CHD1L: variants seen among roughly 807,000 people sequenced by gnomAD.
The protein encoded by CHD1L is chromodomain helicase DNA binding protein 1 like, also known as ATP-dependent chromatin remodeler CHD1L.
Under a neutral mutation model 115.9 loss-of-function variants are expected in CHD1L, and 118 were observed. The ratio of observed to expected loss-of-function variants is 1.02; its 90% CI spans 0.88 to 1.19. The LOEUF (loss-of-function observed/expected upper bound fraction) is 1.19, where lower values mean the gene tolerates loss of function less well. CHD1L is among the 50% of genes most tolerant of loss of function. The pLI is 0.00. For synonymous variants in CHD1L, 411 were observed against 387.1 expected (o/e 1.06, Z -0.72); for missense variants, 1,179 against 1,065.3 (o/e 1.11, Z -1.49).
At chr1:147,283,456 G>C (rs943809524) in intron 15 of CHD1L, among the ~76,000 whole-genome samples, 47 of 152,112 alleles carry the variant, frequency 3.1e-4, no homozygotes, top group African/African-American at 1.1e-3. Flanking sequence ...GCTAGTCTTG[G>C]CTGGTCCTGA....
the CHD1L span, chr1:147,178,509 A>C: frequency 3.1e-6 from 5 of 1,611,206 alleles, 1 homozygote; most frequent in South Asian, 2.2e-5. Flanking sequence ...AGAAGCAGGC[A>C]GGCCCAGCTT....
the CHD1L span, chr1:147,225,262 G>A: frequency 8.7e-7 from 1 of 1,147,630 alleles, no homozygotes. Flanking sequence ...AGCTGAGAGT[G>A]CTCTGCTGCG....
chr1:147,204,154 C>T, the CHD1L span: 1 of 1,112,462 alleles, frequency 9.0e-7, no homozygotes, highest in East Asian at 2.3e-5. Flanking sequence ...CTTCATCAGT[C>T]TTTATCAACA....
Position 147,287,741 on chromosome 1 carries a change from G to A in CHD1L, c.2320+8G>A, listed in dbSNP as rs1432944890. The A allele has an allele frequency of 4.3e-6, 7 of 1,611,524 alleles. No individual in the cohort carries two copies. In the African/African-American group the frequency reaches 9.4e-5, roughly 22 times the overall value. ...TGGCTGGGAAAATGAAAGGTAAGAAGCAAAGCAGAGGGAAAGGTTAAGGGT... is the reference window on the plus strand; with the variant it reads ...TGGCTGGGAAAATGAAAGGTAAGAAACAAAGCAGAGGGAAAGGTTAAGGGT... On this transcript the variant is annotated splice_region_variant and intron_variant, in intron 19 of 22. Coordinates refer to ENST00000369258, the MANE Select transcript of CHD1L (RefSeq NM_004284.6).
the CHD1L span, chr1:147,208,768 G>C: frequency 8.9e-7 from 1 of 1,120,986 alleles, no homozygotes; most frequent in South Asian, 1.3e-5. Flanking sequence ...TATGGGTAGA[G>C]GTGGCTTTAC....
At chr1:147,260,880 T>C (rs1553943706) in intron 6 of CHD1L, 2 of 152,226 alleles carry the variant, frequency 1.3e-5, no homozygotes, top group African/African-American at 4.8e-5. Context: ...GTCAGTGCGA[T>C]GTGAAATACC....
chr1:147,249,683 C>T (rs1457833590), intron 1 of CHD1L, among the ~76,000 whole-genome samples: 5 of 152,108 alleles, frequency 3.3e-5, no homozygotes, highest in African/African-American at 7.2e-5. Flanking sequence ...GGATTACAGG[C>T]GTGAGCCACC....
chr1:147,280,179 C>A lies in CHD1L; in HGVS notation c.1693C>A (p.Gln565Lys). The change falls in exon 15 of 23, where the codon CAA becomes AAA. Residue 565 changes from glutamine (Q) to lysine (K), a missense_variant. Transcript: ENST00000369258. ...TGCAGCAGAAGGAGGGAGCAGAGATCAAGAGGAAGGAAGTAAGTTGGAGGT... is the reference window on the plus strand; with the variant it reads ...TGCAGCAGAAGGAGGGAGCAGAGATAAAGAGGAAGGAAGTAAGTTGGAGGT... ...LPAAEGGSRDQEEGKNHMYLF... is the reference protein window; with the variant it reads ...LPAAEGGSRDKEEGKNHMYLF... 1 of 1,597,530 alleles carries A rather than the reference C, an allele frequency of 6.3e-7. No individual in the cohort carries two copies. The highest frequency in any genetic ancestry group is 1.1e-5 in the South Asian group (1 of 88,414).
rs587740503 is a variant in CHD1L, at chr1:147,277,755, G to A, written c.1539+1498G>A. ...TACGCTGTAGATACCCTTAAATGCA[G>A]TTTTCCACAGAAAAATTATCCATAG... On this transcript the variant is annotated intron_variant, in intron 14 of 22. Transcript: ENST00000369258. Among the ~76,000 whole-genome samples, 18 of 152,270 alleles carry A rather than the reference G, an allele frequency of 1.2e-4. No individual in the cohort carries two copies. The South Asian group carries it at 2.7e-3, about 23-fold the overall frequency.
chr1:147,279,599 T>C (rs10793656), intron 14 of CHD1L, among the ~76,000 whole-genome samples: 41,750 of 152,008 alleles, frequency 0.27, 5,902 homozygotes, highest in Non-Finnish European at 0.29. Flanking sequence ...GTAAAGTTCC[T>C]AGTGTAGCCT....
rs587703603 is a variant in CHD1L, at chr1:147,275,545, T to C, written c.1385+77T>C. 6.2e-6 allele frequency: 7 copies of C among 1,130,606 alleles called. No individual in the cohort carries two copies. The African/African-American group carries it at 9.1e-5, about 15-fold the overall frequency. The allele number at this position is 1,130,606 out of a possible 1,614,324, so 70.0% of individuals were successfully genotyped here. ...GTGAAAAAGGTGAAGAATATAGTCC[T>C]GGTGACAGTCCCACACTGGGAGCTG... On this transcript the variant is annotated intron_variant, in intron 13 of 22. Coordinates refer to ENST00000369258, the MANE Select transcript of CHD1L (RefSeq NM_004284.6).
At chr1:147,258,556 C>G (rs1670863930) in intron 5 of CHD1L, among the ~76,000 whole-genome samples, 1 of 152,234 alleles carries the variant, frequency 6.6e-6, no homozygotes, top group Non-Finnish European at 1.5e-5. Context: ...GCTCATGCCA[C>G]CCAACCTTCT....
At chr1:147,187,325 G>T in the CHD1L span, 1 of 1,000,728 alleles carries the variant, frequency 1.0e-6, no homozygotes. Context: ...CTGAGTGCCT[G>T]CTATTGGCTC....
the CHD1L span, among the ~76,000 whole-genome samples, chr1:147,216,355 A>C: frequency 1.2e-4 from 18 of 152,324 alleles, no homozygotes; most frequent in Admixed American, 1.2e-3. Flanking sequence ...AATTCTACCT[A>C]TTCTATTCTA....
At chr1:147,248,727 G>A (rs587646953) in intron 1 of CHD1L, among the ~76,000 whole-genome samples, 3 of 152,028 alleles carry the variant, frequency 2.0e-5, no homozygotes, top group East Asian at 1.9e-4. Flanking sequence ...TTTAGTGGTC[G>A]TTACGGGTAT....
the CHD1L span, chr1:147,224,938 C>G: frequency 5.6e-6 from 9 of 1,613,972 alleles, no homozygotes; most frequent in African/African-American, 1.2e-4. Context: ...CCTTTCAAAG[C>G]AGACAGGTTC....
At chr1:147,203,571 T>C in the CHD1L span, 1 of 1,012,002 alleles carries the variant, frequency 9.9e-7, no homozygotes, top group Non-Finnish European at 1.6e-6. Flanking sequence ...CTCCAGAGTA[T>C]TTCTGCCAGT....
At chr1:147,252,763 C>A in intron 2 of CHD1L, 28 bp downstream of exon 2, 2 of 1,512,822 alleles carry the variant, frequency 1.3e-6, no homozygotes, top group South Asian at 1.1e-5. Flanking sequence ...GAGTACTGCT[C>A]ACCGCCACTG....
At chr1:147,257,448 C>T (rs368540434) in intron 5 of CHD1L, among the ~76,000 whole-genome samples, 201 of 152,050 alleles carry the variant, frequency 1.3e-3, no homozygotes, top group Non-Finnish European at 2.5e-3. Flanking sequence ...CATTCCCTCT[C>T]TTTTTATTAT....
Sources: allele counts gnomAD v4.1 joint callset (sites outside exome capture counted in the v4.1 genomes callset), GRCh38; gene constraint gnomAD v4.1.1; transcripts MANE v1.5; gene names NCBI Gene and HGNC (gene_info 2026-07-23, HGNC 2026-07-21).